SH3KBP1: variants seen among roughly 807,000 people sequenced by gnomAD.
The protein encoded by SH3KBP1 is SH3 domain containing kinase binding protein 1.
A neutral mutation model predicts 50.1 loss-of-function variants in SH3KBP1; 8 were observed. That is an observed-to-expected ratio of 0.16 (90% CI 0.09 to 0.29). SH3KBP1 has a LOEUF of 0.29. Ranked by LOEUF, SH3KBP1 falls within the 10% of genes least tolerant of loss-of-function variation. The probability of loss-of-function intolerance (pLI) is 1.00; values close to 1 mark genes in which losing one functional copy is unlikely to be tolerated. For synonymous variants in SH3KBP1, 227 were observed against 218.6 expected, an observed-to-expected ratio of 1.04 and a Z score of -0.34; for missense variants, 377 against 535.2, an observed-to-expected ratio of 0.70 and a Z score of 2.92.
intron 4 of SH3KBP1, among the ~76,000 whole-genome samples, chrX:19,700,668 T>TG (rs2063517144): frequency 8.9e-6 from 1 of 112,015 alleles, no homozygotes; most frequent in African/African-American, 3.2e-5. Context: ...GTAGAACTGG[T>TG]GAAAAAAAAA....
chrX:19,842,362 C>T (rs1287890960), intron 1 of SH3KBP1, among the ~76,000 whole-genome samples: 14 of 110,605 alleles, frequency 1.3e-4, no homozygotes, highest in Admixed American at 1.2e-3. Context: ...CCTGTCTCTA[C>T]TAAAAATACA....
At chrX:19,658,143 A>C (rs1223610307) in intron 6 of SH3KBP1, among the ~76,000 whole-genome samples, 1 of 111,831 alleles carries the variant, frequency 8.9e-6, no homozygotes, top group Non-Finnish European at 1.9e-5. Flanking sequence ...AATGGGTGGA[A>C]AAAAAAGTTG....
At chrX:19,742,513 C>T (rs2064798428) in intron 3 of SH3KBP1, among the ~76,000 whole-genome samples, 1 of 111,798 alleles carries the variant, frequency 8.9e-6, no homozygotes, top group South Asian at 3.7e-4. Context: ...ACTGTTCAAA[C>T]TTCCGTTTTA....
intron 6 of SH3KBP1, among the ~76,000 whole-genome samples, chrX:19,669,420 C>T (rs981190565): frequency 8.2e-5 from 9 of 109,559 alleles, no homozygotes; most frequent in African/African-American, 2.7e-4. Flanking sequence ...TCAGGGAGCA[C>T]TTACCAGTGC....
rs1453618595 is a variant in SH3KBP1 at position 19,829,519 on chromosome X, C to G, written c.162+6606G>C. Reference sequence around the variant, plus strand: ...ATCCCAGCAATTTGGGAGGCCGAGGCAGGCGGATCACAAGGTCAAGAGATT... The same window carrying G: ...ATCCCAGCAATTTGGGAGGCCGAGGGAGGCGGATCACAAGGTCAAGAGATT... On this transcript the variant is annotated intron_variant, in intron 2 of 17. Coordinates refer to ENST00000397821, the MANE Select transcript of SH3KBP1 (RefSeq NM_031892.3). 6.4e-5 allele frequency among the ~76,000 whole-genome samples: 7 copies of G among 108,655 alleles called. 1 individual carries two copies. The highest frequency in any genetic ancestry group is 1.3e-4 in the Non-Finnish European group (7 of 52,356). The allele number at this position is 108,655 out of a possible 115,157, so 94.4% of individuals were successfully genotyped here.
chrX:19,641,992 C>T (rs1410046579), intron 7 of SH3KBP1, among the ~76,000 whole-genome samples: 1 of 111,105 alleles, frequency 9.0e-6, no homozygotes, highest in Non-Finnish European at 1.9e-5. Flanking sequence ...AGGCATGTGC[C>T]ACCATGCACA....
chrX:19,817,576 C>T (rs915782189), intron 2 of SH3KBP1, among the ~76,000 whole-genome samples: 1 of 112,023 alleles, frequency 8.9e-6, no homozygotes, highest in Non-Finnish European at 1.9e-5. Flanking sequence ...TCAATGGTCC[C>T]CATAAGATTA....
At chrX:19,554,037 TAATA>T (rs1343494280) in intron 13 of SH3KBP1, among the ~76,000 whole-genome samples, 3 of 63,898 alleles carry the variant, frequency 4.7e-5, no homozygotes, top group African/African-American at 2.5e-4. Flanking sequence ...ATATAATATA[TAATA>T]TATATTAAAA....
chrX:19,540,446 ATATGC>A (rs2064850573), intron 16 of SH3KBP1, among the ~76,000 whole-genome samples: 1 of 111,821 alleles, frequency 8.9e-6, no homozygotes, highest in African/African-American at 3.3e-5. Context: ...GACACCTTGC[ATATGC>A]TATCCTCTCC....
intron 12 of SH3KBP1, 148 bp from the exon 13 acceptor site, chrX:19,569,336 G>A: frequency 1.9e-6 from 1 of 513,030 alleles, no homozygotes. Context: ...CCAACGAGCT[G>A]TCTAGCCACA....
At chrX:19,592,323 C>A (rs1470340796) in intron 10 of SH3KBP1, among the ~76,000 whole-genome samples, 176 bp from the exon 11 acceptor site, 2 of 111,599 alleles carry the variant, frequency 1.8e-5, no homozygotes, top group African/African-American at 6.5e-5. Context: ...GAAGACATTT[C>A]TGGCCTATGT....
intron 12 of SH3KBP1, among the ~76,000 whole-genome samples, chrX:19,577,936 C>T (rs1245408256): frequency 1.8e-5 from 2 of 110,175 alleles, no homozygotes; most frequent in Non-Finnish European, 3.8e-5. Context: ...CAACTGCCTA[C>T]AAAATTTGAC....
chrX:19,766,299 T>C (rs984461519), intron 2 of SH3KBP1, among the ~76,000 whole-genome samples: 7 of 109,747 alleles, frequency 6.4e-5, no homozygotes, highest in East Asian at 2.8e-4. Flanking sequence ...TTGTTGGTCA[T>C]TGGTATGTCT....
Position 19,688,664 on chromosome X carries a change from T to C in SH3KBP1, c.521-4636A>G, listed in dbSNP as rs185835153. 2.8e-4 allele frequency among the ~76,000 whole-genome samples: 25 copies of C among 89,054 alleles called. No homozygotes were observed. The Admixed American group carries it at 3.3e-3, about 12-fold the overall frequency. The allele number at this position is 89,054 out of a possible 115,157, so 77.3% of individuals were successfully genotyped here. On this transcript the variant is annotated intron_variant, in intron 5 of 17. Coordinates refer to ENST00000397821, the MANE Select transcript of SH3KBP1 (RefSeq NM_031892.3). The stretch of plus-strand genomic sequence containing the variant: ...ACCCACATACACGCACACACACAAA[T>C]GCCCTACAGAGAGTACCACCGACAG...
chrX:19,719,438 A>G (rs1232018507), intron 3 of SH3KBP1, among the ~76,000 whole-genome samples: 4 of 111,619 alleles, frequency 3.6e-5, no homozygotes, highest in African/African-American at 1.3e-4. Flanking sequence ...TCAAGTTTCT[A>G]CTTCCAACGT....
At chrX:19,886,006 T>C (rs760675935) in intron 1 of SH3KBP1, among the ~76,000 whole-genome samples, 1 of 110,456 alleles carries the variant, frequency 9.1e-6, no homozygotes, top group Non-Finnish European at 1.9e-5. Context: ...CGCACAAATA[T>C]GTAATACTGC....
intron 6 of SH3KBP1, chrX:19,670,957 C>A: frequency 8.9e-7 from 1 of 1,125,881 alleles, no homozygotes; most frequent in South Asian, 2.2e-5. Context: ...CAGCACGGAG[C>A]CTGAGGACCC....
intron 2 of SH3KBP1, among the ~76,000 whole-genome samples, chrX:19,766,483 C>CTTTTTTTTTTTTTTTTTTTTTTTTTT (rs61439964): frequency 4.4e-5 from 1 of 22,590 alleles, no homozygotes; most frequent in African/African-American, 1.7e-4. Context: ...TTGATTGCAT[C>CTTTTTTTTTTTTTTTTTTTTTTTTTT]TTTTTTTTTT....
intron 2 of SH3KBP1, among the ~76,000 whole-genome samples, chrX:19,747,988 G>A (rs1300588250): frequency 8.9e-6 from 1 of 112,457 alleles, no homozygotes; most frequent in Non-Finnish European, 1.9e-5. Flanking sequence ...TGCAAACATT[G>A]CCCGCCTGAG....
Sources: allele counts gnomAD v4.1 joint callset (sites outside exome capture counted in the v4.1 genomes callset), GRCh38; gene constraint gnomAD v4.1.1; transcripts MANE v1.5; gene names NCBI Gene and HGNC (gene_info 2026-07-23, HGNC 2026-07-21).